Variants in PLD5 observed in about 807,000 individuals in gnomAD.
The protein encoded by PLD5 is inactive phospholipase D5.
In PLD5, 36 loss-of-function variants were observed where a neutral mutation model predicts 61.1. The ratio of observed to expected loss-of-function variants is 0.59; its 90% confidence interval spans 0.45 to 0.78. The LOEUF (loss-of-function observed/expected upper bound fraction) is 0.78, where lower values mean the gene tolerates loss of function less well. Ranked by LOEUF, PLD5 falls within the 30% of genes least tolerant of loss-of-function variation. PLD5 has a pLI of 0.00. For missense variants in PLD5, 515 were observed against 644.4 expected, an observed-to-expected ratio of 0.80 and a Z score of 2.17; for synonymous variants, 243 against 242.8, an observed-to-expected ratio of 1.00 and a Z score of -0.01.
chr1:242,130,613 TA>T (rs1185607779), intron 5 of PLD5, among the ~76,000 whole-genome samples: 4 of 152,276 alleles, frequency 2.6e-5, no homozygotes, highest in South Asian at 2.1e-4. Flanking sequence ...AAACATCTAT[TA>T]TTTTTTTAAT....
chr1:242,123,668 C>A (rs1411456883), intron 6 of PLD5, among the ~76,000 whole-genome samples: 1 of 152,218 alleles, frequency 6.6e-6, no homozygotes, highest in East Asian at 1.9e-4. Context: ...CACGGTGGCC[C>A]CAGCCGAAAA....
chr1:242,182,772 G>C (rs1667603284), intron 5 of PLD5, among the ~76,000 whole-genome samples: 2 of 152,188 alleles, frequency 1.3e-5, no homozygotes, highest in African/African-American at 4.8e-5. Context: ...GAACCCAGGA[G>C]ACGGAGGTTG....
intron 1 of PLD5, among the ~76,000 whole-genome samples, chr1:242,351,650 G>A (rs569981831): frequency 3.9e-5 from 6 of 152,168 alleles, no homozygotes; most frequent in South Asian, 2.1e-4. Context: ...ACCCAGTCTC[G>A]GGTATGTCTT....
chr1:242,194,368 T>C (rs1668467939), intron 5 of PLD5, among the ~76,000 whole-genome samples: 1 of 152,168 alleles, frequency 6.6e-6, no homozygotes, highest in Non-Finnish European at 1.5e-5. Flanking sequence ...TGGAGATTCC[T>C]TAAAGAACTA....
intron 1 of PLD5, among the ~76,000 whole-genome samples, chr1:242,474,960 A>T: frequency 6.6e-6 from 1 of 152,198 alleles, no homozygotes; most frequent in African/African-American, 2.4e-5. Flanking sequence ...TATTGTCCAT[A>T]ATTTATGAGC....
At chr1:242,397,527 C>G (rs1425438649) in intron 1 of PLD5, among the ~76,000 whole-genome samples, 1 of 151,842 alleles carries the variant, frequency 6.6e-6, no homozygotes, top group Non-Finnish European at 1.5e-5. Context: ...AAACTAAGAA[C>G]AGCAATCTCC....
At chr1:242,423,226 T>A (rs901635730) in intron 1 of PLD5, among the ~76,000 whole-genome samples, 4 of 151,866 alleles carry the variant, frequency 2.6e-5, no homozygotes, top group African/African-American at 7.3e-5. Flanking sequence ...AAATCAAAAC[T>A]AAGAAAGTAC....
chr1:242,446,402 T>G (rs1484471404), intron 1 of PLD5, among the ~76,000 whole-genome samples: 1 of 152,030 alleles, frequency 6.6e-6, no homozygotes, highest in Admixed American at 6.6e-5. Flanking sequence ...AAACCCTGTC[T>G]CTACTGAAAA....
chr1:242,236,987 G>C (rs1200480006), intron 4 of PLD5, among the ~76,000 whole-genome samples: 1 of 152,174 alleles, frequency 6.6e-6, no homozygotes, highest in Non-Finnish European at 1.5e-5. Context: ...AAAGAATCCA[G>C]GATACTGAAA....
intron 4 of PLD5, among the ~76,000 whole-genome samples, chr1:242,257,913 C>T (rs749474734): frequency 1.3e-5 from 2 of 152,146 alleles, no homozygotes; most frequent in East Asian, 1.9e-4. Flanking sequence ...ATGCCTGTCA[C>T]GTTTACCACT....
At chr1:242,302,061 G>A (rs192322880) in intron 2 of PLD5, among the ~76,000 whole-genome samples, 68 of 152,330 alleles carry the variant, frequency 4.5e-4, no homozygotes, top group Non-Finnish European at 8.2e-4. Context: ...GATTACAGGC[G>A]TAAGCCACTG....
intron 4 of PLD5, among the ~76,000 whole-genome samples, chr1:242,227,087 A>T (rs529865880): frequency 2.1e-4 from 32 of 152,214 alleles, no homozygotes; most frequent in Non-Finnish European, 4.6e-4. Flanking sequence ...TTCTAGCATT[A>T]AACTTGTTTA....
At chr1:242,203,522 T>C (rs1372039189) in intron 5 of PLD5, 2 of 152,258 alleles carry the variant, frequency 1.3e-5, no homozygotes. Context: ...TGGAGGTGGA[T>C]CCCTCATGAG....
intron 1 of PLD5, among the ~76,000 whole-genome samples, chr1:242,394,478 GTATA>G (rs1227435226): frequency 1.1e-5 from 1 of 93,074 alleles, no homozygotes; most frequent in South Asian, 4.3e-4. Flanking sequence ...ATATATATGT[GTATA>G]TATGTGAACA....
chr1:242,373,800 T>A (rs1241637192), intron 1 of PLD5, among the ~76,000 whole-genome samples: 1 of 151,910 alleles, frequency 6.6e-6, no homozygotes, highest in East Asian at 1.9e-4. Context: ...GGGCCTGTTG[T>A]GCAGTGGGGG....
At chr1:242,142,800 G>A (rs1235885735) in intron 5 of PLD5, among the ~76,000 whole-genome samples, 1 of 151,676 alleles carries the variant, frequency 6.6e-6, no homozygotes, top group East Asian at 1.9e-4. Context: ...TACCCAGGCA[G>A]GAGTGTACCT....
intron 5 of PLD5, among the ~76,000 whole-genome samples, chr1:242,212,573 T>A (rs183293514): frequency 6.6e-6 from 1 of 152,032 alleles, no homozygotes; most frequent in Admixed American, 6.6e-5. Flanking sequence ...AGGAGGCACA[T>A]GCAGGAAGGT....
At chr1:242,135,264 G>C (rs1663628341) in intron 5 of PLD5, among the ~76,000 whole-genome samples, 1 of 151,990 alleles carries the variant, frequency 6.6e-6, no homozygotes, top group Non-Finnish European at 1.5e-5. Flanking sequence ...CTGCTATGTA[G>C]AGTAACAGCA....
At position 242,086,991 on chromosome 1, in the gene PLD5, G is replaced by C. The variant is rs752502587; in HGVS notation, c.*2863C>G. On this transcript the variant is annotated 3_prime_UTR_variant, in exon 10 of 10. Coordinates refer to ENST00000536534, the MANE Select transcript of PLD5 (RefSeq NM_001372062.1). ...TAATTCCTGGGATATTTAGGGGTGG[G>C]GGGGAATGGAGGTTGATAGTTTGTT... The C allele has an allele frequency of 6.6e-6, 1 of 151,894 alleles. No individual in the cohort carries two copies. The highest frequency in any genetic ancestry group is 1.5e-5 in the Non-Finnish European group (1 of 67,988). 9.4% of individuals were successfully genotyped at this position (151,894 alleles called of 1,614,324 possible).
Sources: allele counts gnomAD v4.1 joint callset (sites outside exome capture counted in the v4.1 genomes callset), GRCh38; gene constraint gnomAD v4.1.1; transcripts MANE v1.5; gene names NCBI Gene and HGNC (gene_info 2026-07-23, HGNC 2026-07-21).